The following FILIP1 variants were observed in gnomAD, a reference collection of about 807,000 sequenced individuals.
FILIP1 encodes filamin-A-interacting protein 1.
Under a neutral mutation model 102.1 loss-of-function variants are expected in FILIP1, and 61 were observed. That is an observed-to-expected ratio of 0.60 (90% confidence interval 0.49 to 0.74). The LOEUF is 0.74. Ranked by LOEUF, FILIP1 falls within the 30% of genes least tolerant of loss-of-function variation. The pLI, the probability that FILIP1 is intolerant of heterozygous loss-of-function variation, is 0.00. For synonymous variants in FILIP1, 491 were observed against 526.9 expected (o/e 0.93, Z 0.93); for missense variants, 1,314 against 1,441.2 (o/e 0.91, Z 1.43).
At chr6:75,408,900 C>A (rs1776963355) in intron 2 of FILIP1, among the ~76,000 whole-genome samples, 2 of 152,234 alleles carry the variant, frequency 1.3e-5, no homozygotes, top group East Asian at 1.9e-4. Flanking sequence ...ATATGAAGCC[C>A]CCCCAGAATT....
chr6:75,384,137 A>AT lies in FILIP1; in HGVS notation c.277-21221dup, dbSNP rs943765547. ...AGTTGAGTCTTTTTCAGTGTTCTCA[A>AT]TTTTTTTTACCTGAATCTATAACCT... On this transcript the variant is annotated intron_variant, in intron 2 of 5. Coordinates refer to ENST00000237172, the MANE Select transcript of FILIP1 (RefSeq NM_015687.5). Among the ~76,000 whole-genome samples the AT allele has an allele frequency of 2.6e-5, 4 of 152,070 alleles. No individual in the cohort carries two copies. The South Asian group carries it at 6.2e-4, about 24-fold the overall frequency.
chr6:75,364,887 C>T (rs1455120134), intron 2 of FILIP1, among the ~76,000 whole-genome samples: 1 of 152,154 alleles, frequency 6.6e-6, no homozygotes, highest in Non-Finnish European at 1.5e-5. Context: ...TTAAGTCATC[C>T]TCACACCCGA....
chr6:75,348,302 T>C (rs1431927098), intron 4 of FILIP1, among the ~76,000 whole-genome samples: 1 of 152,232 alleles, frequency 6.6e-6, no homozygotes, highest in Non-Finnish European at 1.5e-5. Flanking sequence ...ACTTGAAATA[T>C]GGACGAAACC....
At chr6:75,339,674 G>A (rs1356293243) in intron 4 of FILIP1, among the ~76,000 whole-genome samples, 2 of 152,146 alleles carry the variant, frequency 1.3e-5, no homozygotes, top group African/African-American at 2.4e-5. Flanking sequence ...GAGGCCAGGC[G>A]CAGTGGCTCA....
intron 2 of FILIP1, among the ~76,000 whole-genome samples, chr6:75,401,977 G>T (rs1241673987): frequency 6.6e-6 from 1 of 152,164 alleles, no homozygotes; most frequent in Non-Finnish European, 1.5e-5. Context: ...TGAGGAAAAT[G>T]TAGGCTGCAG....
chr6:75,446,389 G>T lies in FILIP1; in HGVS notation c.-6-31411C>A, dbSNP rs1023804667. Among the ~76,000 whole-genome samples the T allele has an allele frequency of 1.2e-4, 18 of 152,178 alleles. 1 individual carries two copies. Among genetic ancestry groups the T allele is most frequent in the African/African-American group, 4.3e-4 (18 of 41,450 alleles). On this transcript the variant is annotated intron_variant, in intron 1 of 5. Transcript: ENST00000237172. ...ATTATAGTAATTGAATGCTGTGGAT[G>T]TAACCACTAGCCATCTCAGTAAAAT...
rs1162280169 is a variant in FILIP1, at chr6:75,468,902, A to C, written c.-7+24512T>G. On this transcript the variant is annotated intron_variant, in intron 1 of 5. Coordinates refer to ENST00000237172, the MANE Select transcript of FILIP1 (RefSeq NM_015687.5). ...GTTAACAAATGAATAAAATCAAAGGAGCAAGAAAAAAAAGTTAAACCTGCA... is the reference window on the plus strand; with the variant it reads ...GTTAACAAATGAATAAAATCAAAGGCGCAAGAAAAAAAAGTTAAACCTGCA... Among the ~76,000 whole-genome samples the C allele has an allele frequency of 2.0e-5, 3 of 152,126 alleles. No individual in the cohort carries two copies. The East Asian group carries it at 5.8e-4, about 29-fold the overall frequency.
intron 1 of FILIP1, among the ~76,000 whole-genome samples, chr6:75,459,828 A>G (rs2149748488): frequency 6.6e-6 from 1 of 152,336 alleles, no homozygotes; most frequent in Non-Finnish European, 1.5e-5. Flanking sequence ...GAATTAGAAG[A>G]TAATTTTCAG....
chr6:75,437,039 C>T (rs1380531766), intron 1 of FILIP1, among the ~76,000 whole-genome samples: 3 of 152,112 alleles, frequency 2.0e-5, no homozygotes, highest in South Asian at 4.2e-4. Flanking sequence ...CTCAACTCCC[C>T]GCTCTCACTT....
At chr6:75,438,535 G>A (rs1025780979) in intron 1 of FILIP1, among the ~76,000 whole-genome samples, 3 of 152,076 alleles carry the variant, frequency 2.0e-5, no homozygotes, top group African/African-American at 4.8e-5. Flanking sequence ...CTGCTTGAGG[G>A]CAAAAACTAT....
At chr6:75,319,365 G>A (rs530661791) in intron 4 of FILIP1, 19 of 629,068 alleles carry the variant, frequency 3.0e-5, no homozygotes, top group African/African-American at 9.2e-5. Flanking sequence ...GAAAAAGGCC[G>A]AAGGAGAGCT....
chr6:75,339,398 A>C (rs1767333816), intron 4 of FILIP1, among the ~76,000 whole-genome samples: 1 of 152,264 alleles, frequency 6.6e-6, no homozygotes, highest in South Asian at 2.1e-4. Flanking sequence ...TAGAAATTAT[A>C]GGGTAAATCT....
chr6:75,455,323 C>T (rs905069290), intron 1 of FILIP1: 2 of 150,978 alleles, frequency 1.3e-5, no homozygotes, highest in Non-Finnish European at 2.9e-5. Flanking sequence ...ATCAATTGCC[C>T]AGGCCCTTTG....
rs763126633 is a variant in FILIP1 at position 75,312,434 on chromosome 6, G to T, written c.3398C>A (p.Pro1133Gln). Reference sequence around the variant, plus strand: ...TCCTCGAGCAGATGACGTTGTGACCGGTGTTATGGTGATAGTGCTCGTCAC... The same window carrying T: ...TCCTCGAGCAGATGACGTTGTGACCTGTGTTATGGTGATAGTGCTCGTCAC... The part of the protein sequence containing the change: ...SKVTSTITIT[P>Q]VTTSSARGTQ... Residue 1133 changes from proline (P) to glutamine (Q), a missense_variant, in exon 5 of 6, where the codon CCG becomes CAG. By Grantham distance (76) the Pro-to-Gln change is moderately conservative (BLOSUM62 -1). Around this residue, in one of 3 missense-constraint regions of FILIP1, gnomAD observed 816 missense variants for 913.1 expected, o/e 0.89. Transcript: ENST00000237172. 9.9e-6 allele frequency: 16 copies of T among 1,614,070 alleles called. No homozygotes were observed. The highest frequency in any genetic ancestry group is 1.3e-5 in the African/African-American group (1 of 75,022).
At chr6:75,401,610 C>CAAA (rs1287171232) in intron 2 of FILIP1, among the ~76,000 whole-genome samples, 5 of 152,234 alleles carry the variant, frequency 3.3e-5, no homozygotes, top group African/African-American at 1.2e-4. Flanking sequence ...CAAGAGTTTG[C>CAAA]AAACCACATG....
intron 1 of FILIP1, among the ~76,000 whole-genome samples, chr6:75,438,758 A>G (rs923154664): frequency 5.3e-5 from 8 of 152,236 alleles, no homozygotes; most frequent in African/African-American, 1.9e-4. Context: ...CTGATATCTC[A>G]AAAGTTCTCA....
chr6:75,442,444 T>C (rs1778297644), intron 1 of FILIP1, among the ~76,000 whole-genome samples: 2 of 152,240 alleles, frequency 1.3e-5, no homozygotes, highest in Admixed American at 1.3e-4. Context: ...ATCACGCCAC[T>C]GCACTCCAGC....
intron 2 of FILIP1, among the ~76,000 whole-genome samples, chr6:75,414,305 A>C (rs1156350164): frequency 6.6e-6 from 1 of 151,912 alleles, no homozygotes; most frequent in Non-Finnish European, 1.5e-5. Context: ...CCTAGAAAAA[A>C]GCAAAATTAG....
chr6:75,461,590 C>T (rs1207416580), intron 1 of FILIP1, among the ~76,000 whole-genome samples: 1 of 152,118 alleles, frequency 6.6e-6, no homozygotes, highest in Non-Finnish European at 1.5e-5. Flanking sequence ...ACATAGTTTC[C>T]CTCAGGAAAC....
Sources: allele counts gnomAD v4.1 joint callset (sites outside exome capture counted in the v4.1 genomes callset), GRCh38; gene constraint gnomAD v4.1.1; regional missense constraint gnomAD v4.1.1; transcripts MANE v1.5; gene names NCBI Gene and HGNC (gene_info 2026-07-23, HGNC 2026-07-21).